FNIP1: variants seen among roughly 807,000 people sequenced by gnomAD.
FNIP1 encodes folliculin-interacting protein 1.
A neutral mutation model predicts 124.5 loss-of-function variants in FNIP1; 40 were observed. The observed-to-expected ratio is 0.32, with a 90% CI of 0.25 to 0.42. The LOEUF is 0.42. Ranked by LOEUF, FNIP1 falls within the 10% of genes least tolerant of loss-of-function variation. FNIP1 has a pLI of 1.00. For synonymous variants in FNIP1, 472 were observed against 470.6 expected (o/e 1.00, Z -0.04); for missense variants, 1,176 against 1,403.7 (o/e 0.84, Z 2.59).
intron 13 of FNIP1, among the ~76,000 whole-genome samples, chr5:131,677,082 C>T (rs1767933323): frequency 6.6e-6 from 1 of 152,188 alleles, no homozygotes; most frequent in Non-Finnish European, 1.5e-5. Context: ...TTAATTTTTA[C>T]AACTTTTAAA....
At chr5:131,657,736 CAAAAAAAAAA>C (rs59097834) in intron 15 of FNIP1, among the ~76,000 whole-genome samples, 36 of 65,046 alleles carry the variant, frequency 5.5e-4, no homozygotes, top group African/African-American at 1.9e-3. Flanking sequence ...GAAAATAAGG[CAAAAAAAAAA>C]AAAAAAAAAA....
intron 15 of FNIP1, among the ~76,000 whole-genome samples, chr5:131,665,149 C>T (rs969880647): frequency 1.1e-4 from 17 of 152,028 alleles, no homozygotes; most frequent in African/African-American, 3.6e-4. Context: ...GGTAAACAAA[C>T]ATCAGTATTA....
intron 2 of FNIP1, among the ~76,000 whole-genome samples, chr5:131,731,664 CCAAA>C (rs1482439135): frequency 2.6e-5 from 4 of 151,518 alleles, no homozygotes; most frequent in East Asian, 3.9e-4. Flanking sequence ...AAAAAAAAAC[CCAAA>C]CAAACAAAAC....
rs192050976 is a variant in FNIP1 at position 131,643,485 on chromosome 5, T to A, written c.*1200A>T. On this transcript the variant is annotated 3_prime_UTR_variant, in exon 18 of 18. Transcript: ENST00000510461. ...AAGTAAACTGAGGTAGTAGAAAGTA[T>A]TGAAAACTTTATCCACCCACCTTTC... 1.3e-5 allele frequency: 2 copies of A among 152,752 alleles called. No homozygotes were observed. Among genetic ancestry groups the A allele is most frequent in the Non-Finnish European group, 2.9e-5 (2 of 68,030 alleles). 9.5% of individuals were successfully genotyped at this position (152,752 alleles called of 1,614,324 possible).
At chr5:131,657,736 C>CA (rs59097834) in intron 15 of FNIP1, among the ~76,000 whole-genome samples, 1,962 of 64,984 alleles carry the variant, frequency 0.03, 193 homozygotes, top group Middle Eastern at 0.036. Flanking sequence ...GAAAATAAGG[C>CA]AAAAAAAAAA....
intron 15 of FNIP1, among the ~76,000 whole-genome samples, chr5:131,663,045 G>C (rs1767490531): frequency 6.6e-6 from 1 of 151,938 alleles, no homozygotes; most frequent in African/African-American, 2.4e-5. Context: ...GGCTGGCCTG[G>C]GGATATTCTA....
intron 15 of FNIP1, among the ~76,000 whole-genome samples, chr5:131,658,465 A>G (rs187238241): frequency 1.3e-5 from 2 of 152,128 alleles, no homozygotes; most frequent in African/African-American, 2.4e-5. Context: ...ATTTTATTCA[A>G]CTGGTCTCAA....
chr5:131,691,306 A>G lies in FNIP1; in HGVS notation c.1202+7611T>C, dbSNP rs559510901. On this transcript the variant is annotated intron_variant, in intron 11 of 17. Coordinates refer to ENST00000510461, the MANE Select transcript of FNIP1 (RefSeq NM_133372.3). The stretch of plus-strand genomic sequence containing the variant: ...TTAAAATATTTTGAACTAAATGTGA[A>G]TTCAACTTATCAATACTTGTGAATG... Among the ~76,000 whole-genome samples the G allele has an allele frequency of 7.3e-4, 111 of 152,372 alleles. 2 individuals carry two copies. In the South Asian group the frequency reaches 0.012, roughly 17 times the overall value.
intron 11 of FNIP1, among the ~76,000 whole-genome samples, chr5:131,686,994 T>C (rs1768297739): frequency 6.7e-6 from 1 of 150,076 alleles, no homozygotes. Context: ...GACAGCAGTA[T>C]CTGAATGGTT....
chr5:131,794,497 C>G (rs1772512942), intron 1 of FNIP1, among the ~76,000 whole-genome samples: 1 of 151,982 alleles, frequency 6.6e-6, no homozygotes, highest in African/African-American at 2.4e-5. Flanking sequence ...AAATATATGT[C>G]CACATAAAGA....
At chr5:131,703,945 G>T in intron 10 of FNIP1, 120 bp downstream of exon 10, 1 of 779,072 alleles carries the variant, frequency 1.3e-6, no homozygotes, top group Non-Finnish European at 2.0e-6. Context: ...ATCCACCAGA[G>T]CACTTTATAG....
intron 7 of FNIP1, among the ~76,000 whole-genome samples, chr5:131,709,607 G>A (rs950502075): frequency 6.6e-6 from 1 of 152,126 alleles, no homozygotes; most frequent in Admixed American, 6.5e-5. Context: ...ATGAGTGCTT[G>A]CTGGGACCAA....
At chr5:131,779,687 CAAA>C (rs760567468) in intron 1 of FNIP1, among the ~76,000 whole-genome samples, 3 of 59,590 alleles carry the variant, frequency 5.0e-5, no homozygotes, top group Non-Finnish European at 1.0e-4. Context: ...GATTCTGTTT[CAAA>C]AAAAAAAAAA....
At chr5:131,666,402 G>C (rs1767606267) in intron 15 of FNIP1, among the ~76,000 whole-genome samples, 1 of 152,114 alleles carries the variant, frequency 6.6e-6, no homozygotes. Flanking sequence ...AAGACAAATA[G>C]CTCCTTCCTT....
rs768651436 is a variant in FNIP1 at position 131,670,556 on chromosome 5, G to A, written c.3015C>T (p.Cys1005=). ...NFGRSLLGGY[C]SSYVPDFVLQ... is the part of the protein sequence containing the mutation. ...GAACAAAGTCAGGCACATAAGATGA[G>A]CAGTAGCCACCCAGCAAGGACCTCC... Residue 1005 remains cysteine (C), a synonymous_variant, in exon 15 of 18, where the codon TGC becomes TGT. Transcript: ENST00000510461. 75 of 1,613,720 alleles carry A rather than the reference G, an allele frequency of 4.6e-5. No homozygotes were observed. Among genetic ancestry groups the A allele is most frequent in the Non-Finnish European group, 6.4e-5 (75 of 1,179,920 alleles).
At chr5:131,686,863 C>T (rs912573311) in intron 11 of FNIP1, among the ~76,000 whole-genome samples, 3 of 151,940 alleles carry the variant, frequency 2.0e-5, no homozygotes, top group African/African-American at 7.3e-5. Flanking sequence ...CCAAGCTTGG[C>T]CCCTGAATAA....
intron 12 of FNIP1, among the ~76,000 whole-genome samples, chr5:131,678,626 T>TG (rs5871432): frequency 1 from 152,034 of 152,192 alleles, 75,938 homozygotes; most frequent in Middle Eastern, 1. Context: ...TTAGCCAGGA[T>TG]GTCTCGATCT....
chr5:131,775,750 A>T (rs569400815), intron 1 of FNIP1, among the ~76,000 whole-genome samples: 1 of 151,352 alleles, frequency 6.6e-6, no homozygotes, highest in Non-Finnish European at 1.5e-5. Flanking sequence ...CTGGTCTCAA[A>T]CTCCTCACCT....
intron 1 of FNIP1, among the ~76,000 whole-genome samples, chr5:131,766,660 G>A (rs1028020025): frequency 1.3e-5 from 2 of 152,158 alleles, no homozygotes; most frequent in Non-Finnish European, 2.9e-5. Context: ...GTGGAGACCC[G>A]AGATGCAAGC....
Sources: allele counts gnomAD v4.1 joint callset (sites outside exome capture counted in the v4.1 genomes callset), GRCh38; gene constraint gnomAD v4.1.1; transcripts MANE v1.5; gene names NCBI Gene and HGNC (gene_info 2026-07-23, HGNC 2026-07-21).